MYO7A: variants seen among roughly 807,000 people sequenced by gnomAD.
The protein encoded by MYO7A is myosin VIIA.
A neutral mutation model predicts 263.8 loss-of-function variants in MYO7A; 210 were observed. That is an observed-to-expected ratio of 0.80 (90% CI 0.71 to 0.89). MYO7A has a LOEUF of 0.89. Ranked by LOEUF, MYO7A falls within the 40% of genes least tolerant of loss-of-function variation. The pLI, the probability that MYO7A is intolerant of heterozygous loss-of-function variation, is 0.00. For synonymous variants in MYO7A, 1,239 were observed against 1,197.3 expected (o/e 1.03, Z -0.72); for missense variants, 2,820 against 2,968.3 (o/e 0.95, Z 1.16).
chr11:77,212,202 GAC>G lies in MYO7A; in HGVS notation c.6354+268_6354+269del, dbSNP rs1339289244. On this transcript the variant is annotated intron_variant, in intron 46 of 48. Transcript: ENST00000409709. ...GGTAATGGAGGATGGCCTGTGTTCTGACACTGGGGAGCCCTCGCCCAGGTGGC... is the reference window on the plus strand; with the variant it reads ...GGTAATGGAGGATGGCCTGTGTTCTGACTGGGGAGCCCTCGCCCAGGTGGC... 1.5e-5 allele frequency: 9 copies of G among 592,128 alleles called. No homozygotes were observed. In the East Asian group the frequency reaches 3.3e-4, roughly 22 times the overall value. The allele number at this position is 592,128 out of a possible 1,614,324, so 36.7% of individuals were successfully genotyped here.
At chr11:77,163,111 T>C (rs1953171906) in intron 14 of MYO7A, 123 bp downstream of exon 14, 2 of 1,044,592 alleles carry the variant, frequency 1.9e-6, no homozygotes, top group East Asian at 5.4e-5. Flanking sequence ...TTCATATATA[T>C]ATATATATGA....
intron 4 of MYO7A, among the ~76,000 whole-genome samples, chr11:77,151,604 T>C (rs1555057222): frequency 6.6e-6 from 1 of 152,176 alleles, no homozygotes; most frequent in African/African-American, 2.4e-5. Flanking sequence ...GGTTTGGGAA[T>C]AGTCCTCCTC....
chr11:77,207,461 G>A (rs749186461), intron 42 of MYO7A, 59 bp downstream of exon 42: 140 of 1,222,858 alleles, frequency 1.1e-4, no homozygotes, highest in Non-Finnish European at 1.5e-4. Flanking sequence ...AGGAACTTAC[G>A]GACAGCAGAC....
At position 77,138,221 on chromosome 11, in the gene MYO7A, G is replaced by GC. The variant is rs1235063755; in HGVS notation, c.19-4485dup. 6.6e-6 allele frequency among the ~76,000 whole-genome samples: 1 copy of GC among 151,940 alleles called. No individual in the cohort carries two copies. Among genetic ancestry groups the GC allele is most frequent in the Non-Finnish European group, 1.5e-5 (1 of 67,902 alleles). ...CGTTGCCATGGGCCCGCAGCAGATG[G>GC]CCCGGTTTAGGGTTCCGGGGCGGGC... On this transcript the variant is annotated intron_variant, in intron 2 of 48. Transcript: ENST00000409709. This position sits in a 1 kb window ranked among gnomAD's most constrained non-coding sequence, Gnocchi z 4.9.
intron 25 of MYO7A, 21 bp downstream of exon 25, chr11:77,182,621 GGAT>G: frequency 6.2e-7 from 1 of 1,612,236 alleles, no homozygotes. Context: ...GGTGCCCTCT[GGAT>G]GATGTCCCTC....
intron 4 of MYO7A, among the ~76,000 whole-genome samples, chr11:77,151,030 G>A (rs539117454): frequency 1.3e-5 from 2 of 152,200 alleles, no homozygotes; most frequent in East Asian, 1.9e-4. Context: ...TTGGGCCGGC[G>A]GATGCTCTGC....
chr11:77,174,331 G>A (rs549981411), intron 16 of MYO7A, among the ~76,000 whole-genome samples: 1 of 152,244 alleles, frequency 6.6e-6, no homozygotes, highest in South Asian at 2.1e-4. Context: ...CCCCTCACCT[G>A]CACAGCCATA....
intron 2 of MYO7A, among the ~76,000 whole-genome samples, chr11:77,133,938 C>CT (rs1305938784): frequency 6.6e-6 from 1 of 151,970 alleles, no homozygotes; most frequent in Non-Finnish European, 1.5e-5. Context: ...CAAATAACAT[C>CT]TTTTTTTTGA....
chr11:77,201,400 A>C (rs1957051098), intron 35 of MYO7A, 48 bp from the exon 36 acceptor site: 1 of 1,563,562 alleles, frequency 6.4e-7, no homozygotes, highest in South Asian at 1.2e-5. Flanking sequence ...AGATGTTCCA[A>C]CTCAGCCTGT....
intron 33 of MYO7A, among the ~76,000 whole-genome samples, chr11:77,198,083 A>G (rs1465397207): frequency 6.6e-6 from 1 of 152,198 alleles, no homozygotes; most frequent in African/African-American, 2.4e-5. Context: ...AAAAACCCAC[A>G]CAGGCCACTG....
At position 77,181,538 on chromosome 11, in the gene MYO7A, G is replaced by A. The variant is rs1955183609; in HGVS notation, c.2853G>A (p.Gly951=). The A allele has an allele frequency of 1.2e-6, 2 of 1,613,478 alleles. No individual in the cohort carries two copies. Among genetic ancestry groups the A allele is most frequent in the African/African-American group, 1.3e-5 (1 of 75,062 alleles). The change falls in exon 23 of 49, where the codon GGG becomes GGA. Residue 951 remains glycine, a synonymous_variant. Coordinates refer to ENST00000409709, the MANE Select transcript of MYO7A (RefSeq NM_000260.4). The part of the protein sequence containing the change: ...DMVDKMFGFL[G]TSGGLPGQEG... ...TGGACAAGATGTTTGGCTTCCTGGG[G>A]ACTTCAGGTGGCCTGCCAGGCCAGG...
intron 44 of MYO7A, 76 bp from the exon 45 acceptor site, chr11:77,211,076 G>C: frequency 8.8e-6 from 12 of 1,365,214 alleles, no homozygotes; most frequent in Middle Eastern, 3.9e-4. Context: ...CCGGCGTTGG[G>C]GGTCTTGGTG....
intron 32 of MYO7A, 47 bp from the exon 33 acceptor site, chr11:77,197,434 C>T (rs1565454873): frequency 2.1e-6 from 3 of 1,418,314 alleles, no homozygotes; most frequent in Non-Finnish European, 2.9e-6. Context: ...TTAGAGCAAA[C>T]TCACTCGTAT....
At chr11:77,170,659 C>CCTGTCTGAAGGCCCTGTGCTGT (rs1555075355) in intron 15 of MYO7A, among the ~76,000 whole-genome samples, 6 of 152,162 alleles carry the variant, frequency 3.9e-5, no homozygotes, top group Non-Finnish European at 7.4e-5. Flanking sequence ...GCTGGTGAGA[C>CCTGTCTGAAGGCCCTGTGCTGT]AGGTGTGGCT....
Position 77,175,916 on chromosome 11 carries a change from C to G in MYO7A, c.2187+452C>G, listed in dbSNP as rs578212531. On this transcript the variant is annotated intron_variant, in intron 18 of 48. Coordinates refer to ENST00000409709, the MANE Select transcript of MYO7A (RefSeq NM_000260.4). ...CGCAGCATGCCACCTGTCCGTCACTCTGTAGGGAGCTCAGCTCCCATTGCT... is the reference window on the plus strand; with the variant it reads ...CGCAGCATGCCACCTGTCCGTCACTGTGTAGGGAGCTCAGCTCCCATTGCT... Among the ~76,000 whole-genome samples the G allele has an allele frequency of 4.3e-3, 649 of 152,350 alleles. 6 individuals are homozygous for G. The highest frequency in any genetic ancestry group is 0.014 in the African/African-American group (602 of 41,582).
At chr11:77,212,297 C>T in intron 46 of MYO7A, 1 of 411,900 alleles carries the variant, frequency 2.4e-6, no homozygotes, top group South Asian at 1.9e-5. Context: ...GCTTTCCAGG[C>T]AGACCCTGGA....
intron 27 of MYO7A, among the ~76,000 whole-genome samples, chr11:77,187,233 A>T (rs535098595): frequency 1.3e-5 from 2 of 152,228 alleles, no homozygotes; most frequent in African/African-American, 2.4e-5. Context: ...TGTGACAGAA[A>T]CGGGAAGTGA....
chr11:77,157,308 C>T lies in MYO7A; in HGVS notation c.765C>T (p.Phe255=), dbSNP rs782702948. ...TGGATGAAAGGAACTACCACGTGTTCTACTGCATGCTGGAGGGTATGAGTG... is the reference window on the plus strand; with the variant it reads ...TGGATGAAAGGAACTACCACGTGTTTTACTGCATGCTGGAGGGTATGAGTG... ...QALDERNYHV[F]YCMLEGMSED... is the part of the protein sequence containing the mutation. The change falls in exon 8 of 49, where the codon TTC becomes TTT. Residue 255 remains phenylalanine, a synonymous_variant. Transcript: ENST00000409709. The T allele has an allele frequency of 6.2e-7, 1 of 1,612,028 alleles. No homozygotes were observed. The highest frequency in any genetic ancestry group is 1.7e-5 in the Admixed American group (1 of 59,736).
intron 2 of MYO7A, among the ~76,000 whole-genome samples, chr11:77,137,452 G>C (rs1216217945): frequency 1.3e-5 from 2 of 152,162 alleles, no homozygotes; most frequent in African/African-American, 4.8e-5. Context: ...TGGAGGCCTT[G>C]AAAAGAGAAG....
Sources: allele counts gnomAD v4.1 joint callset (sites outside exome capture counted in the v4.1 genomes callset), GRCh38; gene constraint gnomAD v4.1.1; non-coding constraint Gnocchi (gnomAD v3.1); transcripts MANE v1.5; gene names NCBI Gene and HGNC (gene_info 2026-07-23, HGNC 2026-07-21).